YEATS2: variants seen among roughly 807,000 people sequenced by gnomAD.
YEATS2 encodes the protein YEATS domain containing 2, also known as YEATS domain-containing protein 2.
Under a neutral mutation model 163.2 loss-of-function variants are expected in YEATS2, and 77 were observed. The observed-to-expected ratio is 0.47, with a 90% CI of 0.39 to 0.57. The LOEUF (loss-of-function observed/expected upper bound fraction) is 0.57. Among genes scored for constraint, YEATS2 ranks in the 20% least tolerant of loss-of-function variants. YEATS2 has a pLI of 0.00. For synonymous variants in YEATS2, 631 were observed against 645.1 expected (o/e 0.98, Z 0.33); for missense variants, 1,549 against 1,729.8 (o/e 0.90, Z 1.85).
At chr3:183,727,545 G>C (rs1200673937) in intron 6 of YEATS2, among the ~76,000 whole-genome samples, 1 of 152,120 alleles carries the variant, frequency 6.6e-6, no homozygotes, top group Admixed American at 6.5e-5. Context: ...GATTGGTCAA[G>C]AACACTCCTC....
chr3:183,732,424 G>C (rs1285776931), intron 7 of YEATS2, among the ~76,000 whole-genome samples: 1 of 148,420 alleles, frequency 6.7e-6, no homozygotes, highest in Non-Finnish European at 1.5e-5. Context: ...CTGCACTCCA[G>C]CCTAGGTGAC....
chr3:183,711,719 A>G (rs371853878), intron 1 of YEATS2, among the ~76,000 whole-genome samples: 2 of 152,164 alleles, frequency 1.3e-5, no homozygotes, highest in Non-Finnish European at 2.9e-5. Context: ...ATGTAACATT[A>G]CATAATGAGC....
intron 22 of YEATS2, among the ~76,000 whole-genome samples, chr3:183,798,676 A>T (rs1725388002): frequency 6.6e-6 from 1 of 152,116 alleles, no homozygotes; most frequent in Non-Finnish European, 1.5e-5. Context: ...TTCTTAGTTT[A>T]GTGACAGGCT....
At chr3:183,749,525 A>C (rs1337571559) in intron 9 of YEATS2, among the ~76,000 whole-genome samples, 1 of 152,206 alleles carries the variant, frequency 6.6e-6, no homozygotes, top group Non-Finnish European at 1.5e-5. Context: ...ATATAAGTGG[A>C]ATCATAACAT....
At chr3:183,776,248 T>C (rs1577168167) in intron 18 of YEATS2, 125 bp downstream of exon 18, 1 of 991,970 alleles carries the variant, frequency 1.0e-6, no homozygotes, top group Non-Finnish European at 1.4e-6. Context: ...CCGTGTTATC[T>C]ATATCTATAT....
At chr3:183,782,140 G>A (rs111854325) in intron 19 of YEATS2, among the ~76,000 whole-genome samples, 11 of 151,764 alleles carry the variant, frequency 7.2e-5, no homozygotes, top group African/African-American at 2.2e-4. Context: ...ACAGAGTTTC[G>A]CTCTTGTTGC....
intron 19 of YEATS2, among the ~76,000 whole-genome samples, chr3:183,785,066 CTG>C (rs1427958315): frequency 1.3e-5 from 2 of 151,550 alleles, no homozygotes; most frequent in Non-Finnish European, 2.9e-5. Flanking sequence ...GAGCAAAACT[CTG>C]TCTCAAAAAA....
At chr3:183,784,246 C>T (rs1723842515) in intron 19 of YEATS2, among the ~76,000 whole-genome samples, 2 of 152,210 alleles carry the variant, frequency 1.3e-5, no homozygotes, top group Non-Finnish European at 2.9e-5. Context: ...ACCTAACTTA[C>T]ATTCCCACCC....
At chr3:183,808,359 C>T (rs925628333) in intron 29 of YEATS2, among the ~76,000 whole-genome samples, 26 of 152,040 alleles carry the variant, frequency 1.7e-4, no homozygotes, top group Middle Eastern at 3.4e-3. Flanking sequence ...TCAGTGTGCT[C>T]GTTGCTTTAG....
At chr3:183,802,620 CTTTCTCAGT>C (rs1397425774) in intron 25 of YEATS2, 1 of 150,648 alleles carries the variant, frequency 6.6e-6, no homozygotes, top group Non-Finnish European at 1.5e-5. Flanking sequence ...ATCTTCCCAG[CTTTCTCAGT>C]TTATAGATGA....
At chr3:183,728,358 C>T (rs972967661) in intron 6 of YEATS2, among the ~76,000 whole-genome samples, 19 of 152,188 alleles carry the variant, frequency 1.2e-4, no homozygotes, top group African/African-American at 4.3e-4. Flanking sequence ...TTTTGCTCCC[C>T]TCTGGAAATA....
At chr3:183,795,171 C>A (rs76274600) in intron 21 of YEATS2, among the ~76,000 whole-genome samples, 322 of 123,650 alleles carry the variant, frequency 2.6e-3, no homozygotes, top group Middle Eastern at 3.9e-3. Flanking sequence ...GACACTGTCT[C>A]AAAAAAAAAA....
At chr3:183,794,437 C>T (rs1011600769) in intron 21 of YEATS2, among the ~76,000 whole-genome samples, 5 of 152,192 alleles carry the variant, frequency 3.3e-5, no homozygotes, top group African/African-American at 1.2e-4. Context: ...AATGCAAGAA[C>T]ATTACTTTCA....
At chr3:183,736,954 C>A in intron 8 of YEATS2, 125 bp downstream of exon 8, 2 of 723,716 alleles carry the variant, frequency 2.8e-6, no homozygotes, top group East Asian at 2.7e-5. Context: ...CTTTCGACTC[C>A]CCCAAAACTT....
intron 9 of YEATS2, among the ~76,000 whole-genome samples, chr3:183,749,699 T>A (rs1027118603): frequency 2.0e-5 from 3 of 152,214 alleles, no homozygotes; most frequent in Admixed American, 2.0e-4. Context: ...TGGAGTGCAA[T>A]CACGGCTCAC....
At chr3:183,801,386 A>G in intron 24 of YEATS2, 69 bp from the exon 25 acceptor site, 2 of 1,077,968 alleles carry the variant, frequency 1.9e-6, no homozygotes, top group South Asian at 3.0e-5. Flanking sequence ...AGTACATGGC[A>G]TATATATGGC....
rs1721350751 is a variant in YEATS2, at chr3:183,761,539, T to G, written c.1689T>G (p.Pro563=). Residue 563 remains proline, a synonymous_variant, in exon 14 of 31, where the codon CCT becomes CCG. Coordinates refer to ENST00000305135, the MANE Select transcript of YEATS2 (RefSeq NM_018023.5). ...QEDSLFASMP[P]LCPIGSHPKV... is the part of the protein sequence containing the mutation. The stretch of plus-strand genomic sequence containing the variant: ...ATTCTTTGTTTGCATCTATGCCACC[T>G]CTTTGCCCAATTGGGAGTCACCCTA... The G allele has an allele frequency of 6.2e-7, 1 of 1,614,194 alleles. No individual in the cohort carries two copies. Among genetic ancestry groups the G allele is most frequent in the Non-Finnish European group, 8.5e-7 (1 of 1,180,024 alleles).
At chr3:183,754,494 A>G (rs1720513041) in intron 11 of YEATS2, 129 bp downstream of exon 11, 3 of 1,300,984 alleles carry the variant, frequency 2.3e-6, no homozygotes, top group Non-Finnish European at 3.0e-6. Context: ...TAACAAAAGG[A>G]AGTTTATCAC....
chr3:183,719,153 CT>C (rs1271192463), intron 4 of YEATS2, among the ~76,000 whole-genome samples: 5,001 of 141,574 alleles, frequency 0.035, 170 homozygotes, highest in African/African-American at 0.1. Context: ...ATATTTTTTC[CT>C]TTTTTTTTTT....
Sources: allele counts gnomAD v4.1 joint callset (sites outside exome capture counted in the v4.1 genomes callset), GRCh38; gene constraint gnomAD v4.1.1; transcripts MANE v1.5; gene names NCBI Gene and HGNC (gene_info 2026-07-23, HGNC 2026-07-21).